The following ZNF407 variants were observed in gnomAD, a reference collection of about 807,000 sequenced individuals.
The protein encoded by ZNF407 is zinc finger protein 407.
In ZNF407, 17 loss-of-function variants were observed where a neutral mutation model predicts 131.2. That is an observed-to-expected ratio of 0.13 (90% confidence interval 0.09 to 0.19). The LOEUF (loss-of-function observed/expected upper bound fraction) is 0.19, where lower values mean the gene tolerates loss of function less well. Among genes scored for constraint, ZNF407 ranks in the 10% least tolerant of loss-of-function variants. The pLI is 1.00. For synonymous variants in ZNF407, 1,156 were observed against 1,062.0 expected, an observed-to-expected ratio of 1.09 and a Z score of -1.72; for missense variants, 2,681 against 2,830.6, an observed-to-expected ratio of 0.95 and a Z score of 1.20.
rs145276246 is a variant in ZNF407, at chr18:74,835,300, C to G, written c.4878-41897C>G. ...AACTGATTTTCCTTCGTGCCACTTT[C>G]TCTCTCACTATTGGAAGGGAAGACG... is the stretch of plus-strand genomic sequence containing the variant. On this transcript the variant is annotated intron_variant, in intron 4 of 8. Coordinates refer to ENST00000299687, the MANE Select transcript of ZNF407 (RefSeq NM_017757.3). Among the ~76,000 whole-genome samples the G allele has an allele frequency of 4.6e-5, 7 of 152,322 alleles. No homozygotes were observed. In the East Asian group the frequency reaches 1.4e-3, roughly 29 times the overall value.
chr18:74,791,763 C>G (rs1297517027), intron 4 of ZNF407, among the ~76,000 whole-genome samples: 5 of 152,062 alleles, frequency 3.3e-5, no homozygotes, highest in Non-Finnish European at 5.9e-5. Flanking sequence ...TTTAAAAAGG[C>G]GTTTATCCTG....
At chr18:75,028,812 A>AT (rs917256790) in intron 8 of ZNF407, among the ~76,000 whole-genome samples, 10 of 152,304 alleles carry the variant, frequency 6.6e-5, no homozygotes, top group African/African-American at 2.4e-4. Context: ...AAGCTGTCCC[A>AT]TCCTATCTTT....
intron 3 of ZNF407, among the ~76,000 whole-genome samples, chr18:74,715,660 T>A (rs187015673): frequency 1.5e-3 from 230 of 152,210 alleles, no homozygotes; most frequent in Non-Finnish European, 2.4e-3. Flanking sequence ...CAACATTTTT[T>A]AAAAAAAATT....
intron 3 of ZNF407, among the ~76,000 whole-genome samples, chr18:74,738,676 T>A (rs562799040): frequency 2.6e-5 from 4 of 151,192 alleles, no homozygotes; most frequent in Non-Finnish European, 5.9e-5. Context: ...GAGGCGGAGG[T>A]TGCAGTGAGC....
chr18:74,803,274 G>A (rs1970052422), intron 4 of ZNF407, among the ~76,000 whole-genome samples: 1 of 152,212 alleles, frequency 6.6e-6, no homozygotes, highest in African/African-American at 2.4e-5. Context: ...TCAGCACTGT[G>A]GTGGTTGTGG....
intron 1 of ZNF407, among the ~76,000 whole-genome samples, chr18:74,620,718 G>C (rs1983476555): frequency 6.6e-6 from 1 of 152,190 alleles, no homozygotes; most frequent in African/African-American, 2.4e-5. Flanking sequence ...AGGAAACTTT[G>C]GAGGTGGGAC....
At chr18:75,027,854 A>T (rs1384137333) in intron 8 of ZNF407, among the ~76,000 whole-genome samples, 1 of 152,132 alleles carries the variant, frequency 6.6e-6, no homozygotes, top group Admixed American at 6.5e-5. Flanking sequence ...GAAGAAAGAG[A>T]TGGTCAGCTG....
intron 4 of ZNF407, among the ~76,000 whole-genome samples, chr18:74,866,177 A>T (rs764342128): frequency 5.9e-5 from 9 of 152,160 alleles, no homozygotes; most frequent in Non-Finnish European, 7.4e-5. Context: ...TACTGTGTCT[A>T]TGTTGAATTG....
rs562744833 is a variant in ZNF407 at position 74,970,800 on chromosome 18, G to A, written c.5428+50108G>A. On this transcript the variant is annotated intron_variant, in intron 8 of 8. Transcript: ENST00000299687. ...ATGGTGGTCCTCTTCTCACAGCTCC[G>A]CTAGGTGGTGCCCCAGTGGGGACTC... Among the ~76,000 whole-genome samples the A allele has an allele frequency of 4.6e-5, 7 of 152,302 alleles. No homozygotes were observed. The South Asian group carries it at 6.2e-4, about 14-fold the overall frequency.
intron 8 of ZNF407, among the ~76,000 whole-genome samples, chr18:74,942,642 AGGGACCTGCT>A (rs1391111594): frequency 6.6e-6 from 1 of 152,184 alleles, no homozygotes; most frequent in East Asian, 1.9e-4. Flanking sequence ...ATGTTTTTAT[AGGGACCTGCT>A]GGTCCACGGG....
intron 4 of ZNF407, among the ~76,000 whole-genome samples, chr18:74,865,998 GTTTAAC>G (rs1971004971): frequency 6.6e-6 from 1 of 152,184 alleles, no homozygotes; most frequent in Non-Finnish European, 1.5e-5. Flanking sequence ...TTGCATCACA[GTTTAAC>G]TTTAAAACCA....
rs573054257 is a variant in ZNF407, at chr18:74,712,648, G to T, written c.4803-68780G>T. ...TTCTGAGGCTGACAATCTAGGCAGG[G>T]TGTGATGCATGTTGGATACAGGTGG... On this transcript the variant is annotated intron_variant, in intron 3 of 8. Transcript: ENST00000299687. 2.5e-4 allele frequency among the ~76,000 whole-genome samples: 38 copies of T among 152,356 alleles called. 2 individuals carry two copies. In the South Asian group the frequency reaches 7.7e-3, roughly 31 times the overall value.
intron 7 of ZNF407, among the ~76,000 whole-genome samples, chr18:74,917,153 C>A (rs1234671907): frequency 6.6e-6 from 1 of 151,988 alleles, no homozygotes; most frequent in Non-Finnish European, 1.5e-5. Context: ...TAATATATTA[C>A]CAGAATTGTG....
chr18:74,624,319 G>T (rs936041484), intron 1 of ZNF407, among the ~76,000 whole-genome samples: 3 of 152,122 alleles, frequency 2.0e-5, no homozygotes, highest in Admixed American at 6.5e-5. Context: ...AAAAAGACCC[G>T]TTCCGGCTCT....
chr18:74,641,947 C>T (rs2144690650), intron 3 of ZNF407, among the ~76,000 whole-genome samples: 1 of 151,846 alleles, frequency 6.6e-6, no homozygotes, highest in East Asian at 1.9e-4. Context: ...ACCTGAGAAA[C>T]TTGCAGTTCT....
At chr18:74,609,398 C>T (rs1982955560) in intron 1 of ZNF407, among the ~76,000 whole-genome samples, 1 of 152,124 alleles carries the variant, frequency 6.6e-6, no homozygotes, top group Non-Finnish European at 1.5e-5. Flanking sequence ...GGCAACAAAC[C>T]CATATAGCAT....
intron 3 of ZNF407, among the ~76,000 whole-genome samples, chr18:74,753,309 C>G (rs143481284): frequency 0.011 from 1,668 of 152,258 alleles, 33 homozygotes; most frequent in African/African-American, 0.038. Context: ...TGCAAACAGG[C>G]ACAATTTGAC....
At chr18:74,623,228 G>GT (rs1983630709) in intron 1 of ZNF407, among the ~76,000 whole-genome samples, 1 of 151,814 alleles carries the variant, frequency 6.6e-6, no homozygotes, top group Non-Finnish European at 1.5e-5. Flanking sequence ...GCGTGTGTGA[G>GT]TGCGGGTGTT....
At chr18:74,957,461 G>A (rs202023840) in intron 8 of ZNF407, among the ~76,000 whole-genome samples, 1 of 151,988 alleles carries the variant, frequency 6.6e-6, no homozygotes, top group East Asian at 1.9e-4. Context: ...GAGCATTCTA[G>A]ATGAGGGATT....
Sources: gnomAD v4.1 joint callset for allele counts (sites outside exome capture counted in the v4.1 genomes callset) on GRCh38, gnomAD v4.1.1 for gene constraint, MANE v1.5 for transcripts, NCBI Gene and HGNC (gene_info 2026-07-23, HGNC 2026-07-21) for gene names.